PTPRO: variants seen among roughly 807,000 people sequenced by gnomAD.
PTPRO encodes protein tyrosine phosphatase receptor type O, also known as receptor-type tyrosine-protein phosphatase O.
A neutral mutation model predicts 145.2 loss-of-function variants in PTPRO; 62 were observed. The observed-to-expected ratio is 0.43, with a 90% CI of 0.35 to 0.53. The LOEUF (loss-of-function observed/expected upper bound fraction) is 0.53. Ranked by LOEUF, PTPRO falls within the 20% of genes least tolerant of loss-of-function variation. The pLI, the probability that PTPRO is intolerant of heterozygous loss-of-function variation, is 0.01. For synonymous variants in PTPRO, 565 were observed against 514.7 expected (o/e 1.10, Z -1.32); for missense variants, 1,345 against 1,482.7 (o/e 0.91, Z 1.53).
chr12:15,544,506 C>CAAAAA lies in PTPRO; in HGVS notation c.2165-2046_2165-2042dup, dbSNP rs61249816. Among the ~76,000 whole-genome samples the CAAAAA allele has an allele frequency of 8.0e-3, 582 of 72,928 alleles. 16 individuals carry two copies. The highest frequency in any genetic ancestry group is 0.022 in the South Asian group (47 of 2,122). The allele number at this position is 72,928 out of a possible 152,430, so 47.8% of individuals were successfully genotyped here. A position where few individuals can be genotyped will look rare whatever the true frequency, so the allele number is the denominator to read the frequency against. On this transcript the variant is annotated intron_variant, in intron 12 of 26. Transcript: ENST00000281171. The stretch of plus-strand genomic sequence containing the variant: ...CTGGTGACAGAGCGAGACTCCATCT[C>CAAAAA]AAAAAAAAAAAAAAAAAAAAAGATT...
intron 1 of PTPRO, among the ~76,000 whole-genome samples, chr12:15,459,649 T>G (rs1941257954): frequency 6.6e-6 from 1 of 152,212 alleles, no homozygotes; most frequent in Non-Finnish European, 1.5e-5. Context: ...TCACTGGGTT[T>G]ATGATGGGAA....
chr12:15,526,496 A>G (rs1205097328), intron 12 of PTPRO, among the ~76,000 whole-genome samples: 1 of 152,168 alleles, frequency 6.6e-6, no homozygotes, highest in Non-Finnish European at 1.5e-5. Context: ...TGTAAGGTTA[A>G]AGAAACCAGG....
At chr12:15,372,554 A>G (rs1372537792) in intron 1 of PTPRO, among the ~76,000 whole-genome samples, 1 of 152,142 alleles carries the variant, frequency 6.6e-6, no homozygotes, top group Non-Finnish European at 1.5e-5. Context: ...TAAAACCACT[A>G]TGATTTTGTG....
chr12:15,514,906 G>A (rs1186434753), intron 7 of PTPRO, among the ~76,000 whole-genome samples: 1 of 151,998 alleles, frequency 6.6e-6, no homozygotes, highest in Non-Finnish European at 1.5e-5. Flanking sequence ...GAGATTACAG[G>A]CACCTGCCAC....
At chr12:15,469,223 T>A (rs1239379233) in intron 1 of PTPRO, among the ~76,000 whole-genome samples, 1 of 152,188 alleles carries the variant, frequency 6.6e-6, no homozygotes, top group Non-Finnish European at 1.5e-5. Context: ...TTTCACAACT[T>A]GCTGGGGAAA....
At chr12:15,375,736 A>G (rs1351291201) in intron 1 of PTPRO, among the ~76,000 whole-genome samples, 1 of 149,442 alleles carries the variant, frequency 6.7e-6, no homozygotes, top group Non-Finnish European at 1.5e-5. Flanking sequence ...AGCCTGGGCA[A>G]CAGAGCAAGA....
At chr12:15,562,816 G>A (rs1159098654) in intron 17 of PTPRO, among the ~76,000 whole-genome samples, 1 of 151,298 alleles carries the variant, frequency 6.6e-6, no homozygotes, top group Admixed American at 6.6e-5. Flanking sequence ...TCAATCCTAG[G>A]CAGTTGGCAT....
At position 15,476,422 on chromosome 12, in the gene PTPRO, T is replaced by C. The variant is rs550764422; in HGVS notation, c.76-7552T>C. ...CTTTTTGATGGGGTTGTTTGTTTTTTTCTTGTAAATTTGTTTGAGTTCATT... is the reference window on the plus strand; with the variant it reads ...CTTTTTGATGGGGTTGTTTGTTTTTCTCTTGTAAATTTGTTTGAGTTCATT... On this transcript the variant is annotated intron_variant, in intron 1 of 26. Transcript: ENST00000281171. Among the ~76,000 whole-genome samples, 284 of 152,150 alleles carry C rather than the reference T, an allele frequency of 1.9e-3. 3 individuals are homozygous for C. Among genetic ancestry groups the C allele is most frequent in the African/African-American group, 6.6e-3 (272 of 41,496 alleles).
chr12:15,459,966 G>A (rs1416414940), intron 1 of PTPRO, among the ~76,000 whole-genome samples: 4 of 152,212 alleles, frequency 2.6e-5, no homozygotes, highest in South Asian at 2.1e-4. Context: ...TATGTTCCTT[G>A]GGTTTATTTA....
chr12:15,458,818 T>C (rs1941238895), intron 1 of PTPRO, among the ~76,000 whole-genome samples: 1 of 152,128 alleles, frequency 6.6e-6, no homozygotes, highest in Non-Finnish European at 1.5e-5. Flanking sequence ...ACATAATATA[T>C]CTCCATTGCA....
intron 1 of PTPRO, among the ~76,000 whole-genome samples, chr12:15,473,569 C>CCT (rs1941588064): frequency 6.6e-6 from 1 of 151,978 alleles, no homozygotes; most frequent in Non-Finnish European, 1.5e-5. Context: ...AGTTTGAGAC[C>CCT]AGCCTGGCCA....
intron 1 of PTPRO, among the ~76,000 whole-genome samples, chr12:15,478,658 A>T (rs897646609): frequency 6.6e-6 from 1 of 152,080 alleles, no homozygotes; most frequent in African/African-American, 2.4e-5. Flanking sequence ...AGGTTAGAGT[A>T]GCCTATTATT....
At chr12:15,504,152 T>G in intron 6 of PTPRO, 83 bp downstream of exon 6, 2 of 1,424,244 alleles carry the variant, frequency 1.4e-6, no homozygotes, top group Non-Finnish European at 2.0e-6. Context: ...CAGATGTCAA[T>G]TATTCACAAA....
At chr12:15,516,582 GAGGA>G (rs1942600325) in intron 8 of PTPRO, among the ~76,000 whole-genome samples, 177 bp from the exon 9 acceptor site, 1 of 125,534 alleles carries the variant, frequency 8.0e-6, no homozygotes, top group African/African-American at 3.0e-5. Flanking sequence ...CAGGGGGAGG[GAGGA>G]AGGAAGGGGA....
chr12:15,573,669 C>T (rs951749493), intron 19 of PTPRO, among the ~76,000 whole-genome samples: 1 of 152,168 alleles, frequency 6.6e-6, no homozygotes, highest in Non-Finnish European at 1.5e-5. Flanking sequence ...TTTGGACTAA[C>T]ATTTGCTCAA....
At chr12:15,368,170 C>A (rs528923636) in intron 1 of PTPRO, among the ~76,000 whole-genome samples, 1 of 152,190 alleles carries the variant, frequency 6.6e-6, no homozygotes, top group Admixed American at 6.5e-5. Flanking sequence ...TCCTGCCAAG[C>A]CTTTAGCTGT....
chr12:15,535,784 C>A (rs1943054850), intron 12 of PTPRO, among the ~76,000 whole-genome samples: 1 of 152,190 alleles, frequency 6.6e-6, no homozygotes, highest in Non-Finnish European at 1.5e-5. Flanking sequence ...TTGTGACTTT[C>A]CGTTCCTCTT....
chr12:15,417,897 A>C (rs940802744), intron 1 of PTPRO, among the ~76,000 whole-genome samples: 1 of 151,766 alleles, frequency 6.6e-6, no homozygotes, highest in Non-Finnish European at 1.5e-5. Context: ...ATATCTCTCA[A>C]CAGTGCTGGG....
chr12:15,441,251 GACTTTTGGGT>G (rs201260078), intron 1 of PTPRO, among the ~76,000 whole-genome samples: 4,368 of 152,268 alleles, frequency 0.029, 224 homozygotes, highest in African/African-American at 0.099. Context: ...GATCCTGAAT[GACTTTTGGGT>G]AAACAATGAA....
Sources: gnomAD v4.1 joint callset for allele counts (sites outside exome capture counted in the v4.1 genomes callset) on GRCh38, gnomAD v4.1.1 for gene constraint, MANE v1.5 for transcripts, NCBI Gene and HGNC (gene_info 2026-07-23, HGNC 2026-07-21) for gene names.